The following THEMIS variants were observed in gnomAD, a reference collection of about 807,000 sequenced individuals.
The protein encoded by THEMIS is thymocyte selection associated, also known as protein THEMIS.
Under a neutral mutation model 52.6 loss-of-function variants are expected in THEMIS, and 37 were observed. The ratio of observed to expected loss-of-function variants is 0.70; its 90% CI spans 0.54 to 0.93. The LOEUF (loss-of-function observed/expected upper bound fraction) is 0.93, where lower values mean the gene tolerates loss of function less well. Ranked by LOEUF, THEMIS falls within the 40% of genes least tolerant of loss-of-function variation. The pLI, the probability that THEMIS is intolerant of heterozygous loss-of-function variation, is 0.00. For missense variants in THEMIS, 808 were observed against 763.1 expected (o/e 1.06, Z -0.69); for synonymous variants, 292 against 272.7 (o/e 1.07, Z -0.70).
intron 1 of THEMIS, among the ~76,000 whole-genome samples, chr6:127,896,068 T>G (rs1478720384): frequency 6.6e-6 from 1 of 151,486 alleles, no homozygotes; most frequent in Non-Finnish European, 1.5e-5. Context: ...ACTATGTAAT[T>G]ATCATAAAAG....
intron 1 of THEMIS, among the ~76,000 whole-genome samples, chr6:127,916,487 A>G (rs1781530440): frequency 6.6e-6 from 1 of 152,162 alleles, no homozygotes; most frequent in South Asian, 2.1e-4. Context: ...GTTCACTGCA[A>G]TGGTTGACAC....
chr6:127,734,597 G>A (rs1046358949), intron 4 of THEMIS, among the ~76,000 whole-genome samples: 17 of 152,044 alleles, frequency 1.1e-4, no homozygotes, highest in African/African-American at 4.1e-4. Flanking sequence ...GAGGCCGAGC[G>A]CTGTGGCTCA....
intron 2 of THEMIS, among the ~76,000 whole-genome samples, chr6:127,834,665 C>A (rs1778815384): frequency 6.6e-6 from 1 of 151,992 alleles, no homozygotes; most frequent in African/African-American, 2.4e-5. Flanking sequence ...TTGCTTTTAC[C>A]TGCAGAGGTA....
chr6:127,816,395 C>T (rs1377171037), intron 3 of THEMIS, among the ~76,000 whole-genome samples: 3 of 152,146 alleles, frequency 2.0e-5, no homozygotes, highest in East Asian at 3.9e-4. Flanking sequence ...AGTATGTCTA[C>T]TTCAGATCTC....
intron 1 of THEMIS, among the ~76,000 whole-genome samples, chr6:127,884,509 CTCT>C (rs1276683210): frequency 6.6e-6 from 1 of 152,114 alleles, no homozygotes; most frequent in Non-Finnish European, 1.5e-5. Flanking sequence ...CTAGTCTAGA[CTCT>C]TCAACTCCCC....
chr6:127,769,750 G>T (rs965721202), intron 4 of THEMIS, among the ~76,000 whole-genome samples: 1 of 152,060 alleles, frequency 6.6e-6, no homozygotes, highest in African/African-American at 2.4e-5. Flanking sequence ...ATTTGCATTA[G>T]GTATTTCTCC....
chr6:127,768,635 A>G (rs1363141959), intron 4 of THEMIS, among the ~76,000 whole-genome samples: 1 of 152,222 alleles, frequency 6.6e-6, no homozygotes, highest in Non-Finnish European at 1.5e-5. Context: ...TATTTTTTAA[A>G]TTCAAGTTAT....
intron 4 of THEMIS, among the ~76,000 whole-genome samples, chr6:127,724,114 C>T (rs1490848830): frequency 6.6e-6 from 1 of 152,080 alleles, no homozygotes; most frequent in Non-Finnish European, 1.5e-5. Flanking sequence ...TATATCATCA[C>T]TCCTAACAGT....
chr6:127,875,439 C>T (rs1182618923), intron 1 of THEMIS, among the ~76,000 whole-genome samples: 1 of 152,120 alleles, frequency 6.6e-6, no homozygotes, highest in Non-Finnish European at 1.5e-5. Flanking sequence ...GTCAACATAG[C>T]AGGGAGAAAG....
chr6:127,888,932 A>C (rs1302147910), intron 1 of THEMIS, among the ~76,000 whole-genome samples: 1 of 152,112 alleles, frequency 6.6e-6, no homozygotes, highest in African/African-American at 2.4e-5. Context: ...TTTGAAGTTG[A>C]TAATAACTTC....
chr6:127,885,484 A>T lies in THEMIS; in HGVS notation c.91+15358T>A, dbSNP rs188965220. 2.5e-3 allele frequency among the ~76,000 whole-genome samples: 386 copies of T among 152,210 alleles called. 3 individuals are homozygous for T. Among genetic ancestry groups the T allele is most frequent in the African/African-American group, 8.5e-3 (353 of 41,540 alleles). The stretch of plus-strand genomic sequence containing the variant: ...TAAATACTGATAAAAAATAAAAAAA[A>T]CTATCTACTTTTACTAGTCTTTGGA... On this transcript the variant is annotated intron_variant, in intron 1 of 5. Coordinates refer to ENST00000368248, the MANE Select transcript of THEMIS (RefSeq NM_001010923.3).
chr6:127,765,978 T>C (rs557952361), intron 4 of THEMIS, among the ~76,000 whole-genome samples: 34 of 152,264 alleles, frequency 2.2e-4, no homozygotes, highest in Middle Eastern at 3.4e-3. Context: ...TTCTTAAATT[T>C]TTATTGATTC....
chr6:127,913,962 C>T (rs1280518229), intron 1 of THEMIS, among the ~76,000 whole-genome samples: 2 of 152,014 alleles, frequency 1.3e-5, no homozygotes, highest in Non-Finnish European at 2.9e-5. Flanking sequence ...ATCTGATATG[C>T]TTGGGACAAA....
At chr6:127,746,507 A>G (rs1450321569) in intron 4 of THEMIS, among the ~76,000 whole-genome samples, 1 of 150,452 alleles carries the variant, frequency 6.6e-6, no homozygotes, top group African/African-American at 2.4e-5. Flanking sequence ...AGATTATTCA[A>G]TCACAAATTT....
chr6:127,851,231 AT>A (rs1779413551), intron 2 of THEMIS, among the ~76,000 whole-genome samples: 1 of 151,656 alleles, frequency 6.6e-6, no homozygotes, highest in Non-Finnish European at 1.5e-5. Context: ...GAAAGAATAT[AT>A]TTTTAAAAAA....
At chr6:127,881,107 G>A (rs776153639) in intron 1 of THEMIS, among the ~76,000 whole-genome samples, 66 of 152,026 alleles carry the variant, frequency 4.3e-4, no homozygotes, top group Non-Finnish European at 8.0e-4. Flanking sequence ...CTAACTTGAA[G>A]TCACTTTCTT....
At chr6:127,729,140 TTCTCTCTCTCTCTCTCTCTCTC>T (rs35400135) in intron 4 of THEMIS, among the ~76,000 whole-genome samples, 1,127 of 106,214 alleles carry the variant, frequency 0.011, 43 homozygotes, top group African/African-American at 0.039. Context: ...TACCAATTTA[TTCTCTCTCTCTCTCTCTCTCTC>T]TCTCTCTCTC....
In THEMIS at chr6:127,813,476, A is replaced by C. The variant is rs756850708; in HGVS notation, c.1165T>G (p.Phe389Val). 6.2e-7 allele frequency: 1 copy of C among 1,613,972 alleles called. No individual in the cohort carries two copies. Among genetic ancestry groups the C allele is most frequent in the Admixed American group, 1.7e-5 (1 of 59,972 alleles). ...GTCGTCTCTGACTGATGCACCAGAAACTGGTCCCCAACAGATACGGATGAC... is the reference window on the plus strand; with the variant it reads ...GTCGTCTCTGACTGATGCACCAGAACCTGGTCCCCAACAGATACGGATGAC... ...KLSSVSVGDQ[F>V]LVHQSETTEV... The change falls in exon 4 of 6, where the codon TTT (phenylalanine) becomes GTT (valine). Residue 389 changes from phenylalanine to valine, a missense_variant. Phe to Val is a conservative substitution (Grantham distance 50, BLOSUM62 -1). Coordinates refer to ENST00000368248, the MANE Select transcript of THEMIS (RefSeq NM_001010923.3).
At chr6:127,858,365 T>G (rs1417879651) in intron 1 of THEMIS, among the ~76,000 whole-genome samples, 3 of 152,102 alleles carry the variant, frequency 2.0e-5, no homozygotes, top group African/African-American at 7.2e-5. Context: ...ATTTCGTGAC[T>G]TCCAATGTTC....
Sources: gnomAD v4.1 joint callset for allele counts (sites outside exome capture counted in the v4.1 genomes callset) on GRCh38, gnomAD v4.1.1 for gene constraint, MANE v1.5 for transcripts, NCBI Gene and HGNC (gene_info 2026-07-23, HGNC 2026-07-21) for gene names.